Variants in LUZP2 observed in about 807,000 individuals in gnomAD.
LUZP2 encodes the protein leucine zipper protein 2.
In LUZP2, 52 loss-of-function variants were observed where a neutral mutation model predicts 51.6. The observed-to-expected ratio is 1.01, with a 90% CI of 0.81 to 1.27. LUZP2 has a LOEUF of 1.27. Ranked by LOEUF, LUZP2 falls within the 50% of genes most tolerant of loss-of-function variation. LUZP2 has a pLI of 0.00. For synonymous variants in LUZP2, 154 were observed against 137.3 expected, an observed-to-expected ratio of 1.12 and a Z score of -0.85; for missense variants, 436 against 395.4, an observed-to-expected ratio of 1.10 and a Z score of -0.87.
chr11:24,543,821 C>CAAAA (rs1407050931), intron 1 of LUZP2, among the ~76,000 whole-genome samples: 2 of 2,766 alleles, frequency 7.2e-4, no homozygotes, highest in Non-Finnish European at 7.6e-4. Flanking sequence ...GACTCTGTCT[C>CAAAA]ACAAAAAAAA....
chr11:24,866,889 C>G (rs374018666), intron 5 of LUZP2, among the ~76,000 whole-genome samples: 1 of 152,032 alleles, frequency 6.6e-6, no homozygotes, highest in African/African-American at 2.4e-5. Flanking sequence ...AGAGAGCCAC[C>G]GTAACAGGAG....
chr11:24,687,304 A>G (rs1007118403), intron 1 of LUZP2, among the ~76,000 whole-genome samples: 1 of 152,194 alleles, frequency 6.6e-6, no homozygotes, highest in Non-Finnish European at 1.5e-5. Flanking sequence ...CGGGAATTTT[A>G]TCAGTCTTTG....
intron 9 of LUZP2, among the ~76,000 whole-genome samples, chr11:25,002,030 G>C (rs1008326025): frequency 3.3e-5 from 5 of 152,220 alleles, no homozygotes; most frequent in Non-Finnish European, 5.9e-5. Flanking sequence ...TTTAATGGGG[G>C]TTCCCCCAGA....
At chr11:24,959,534 A>G (rs1855328547) in intron 7 of LUZP2, among the ~76,000 whole-genome samples, 1 of 152,006 alleles carries the variant, frequency 6.6e-6, no homozygotes, top group Non-Finnish European at 1.5e-5. Context: ...ATGGGAGTTC[A>G]CTCATGATTT....
At chr11:24,810,274 G>A (rs1278706370) in intron 5 of LUZP2, among the ~76,000 whole-genome samples, 1 of 152,030 alleles carries the variant, frequency 6.6e-6, no homozygotes, top group Non-Finnish European at 1.5e-5. Flanking sequence ...CCAGATTACT[G>A]TGCATTTTTC....
At chr11:24,686,024 A>G (rs1446651589) in intron 1 of LUZP2, among the ~76,000 whole-genome samples, 1 of 152,150 alleles carries the variant, frequency 6.6e-6, no homozygotes, top group Non-Finnish European at 1.5e-5. Flanking sequence ...TGTTGTAATC[A>G]TTCCTCTCAA....
intron 7 of LUZP2, among the ~76,000 whole-genome samples, chr11:24,922,962 C>A (rs1854114265): frequency 6.7e-6 from 1 of 149,988 alleles, no homozygotes; most frequent in African/African-American, 2.4e-5. Context: ...CATTCTCCTG[C>A]CTCAGCCTCC....
At chr11:24,937,888 A>C (rs1426125521) in intron 7 of LUZP2, among the ~76,000 whole-genome samples, 5 of 151,174 alleles carry the variant, frequency 3.3e-5, no homozygotes, top group African/African-American at 4.9e-5. Flanking sequence ...GCGACAGGGC[A>C]AGATTCCCTC....
At chr11:24,999,014 G>A (rs1235091736) in intron 9 of LUZP2, among the ~76,000 whole-genome samples, 3 of 152,072 alleles carry the variant, frequency 2.0e-5, no homozygotes, top group Admixed American at 2.0e-4. Flanking sequence ...TTCAACAAAT[G>A]TCTTTAATCT....
At chr11:24,830,918 C>T (rs959159382) in intron 5 of LUZP2, among the ~76,000 whole-genome samples, 2 of 151,864 alleles carry the variant, frequency 1.3e-5, no homozygotes, top group South Asian at 2.1e-4. Context: ...GGCGTGAACC[C>T]GGGAGGTGGA....
At chr11:24,623,273 A>G (rs1160779084) in intron 1 of LUZP2, among the ~76,000 whole-genome samples, 1 of 152,232 alleles carries the variant, frequency 6.6e-6, no homozygotes, top group Non-Finnish European at 1.5e-5. Context: ...CGGGACTTAA[A>G]GAGGATTGCA....
intron 1 of LUZP2, among the ~76,000 whole-genome samples, chr11:24,570,495 G>C (rs995946562): frequency 6.6e-6 from 1 of 151,942 alleles, no homozygotes; most frequent in African/African-American, 2.4e-5. Context: ...TGTACATCTT[G>C]ATTTCAATTT....
At chr11:24,638,350 T>G (rs923210487) in intron 1 of LUZP2, among the ~76,000 whole-genome samples, 1 of 151,594 alleles carries the variant, frequency 6.6e-6, no homozygotes, top group Non-Finnish European at 1.5e-5. Flanking sequence ...AAAATTAAAT[T>G]TCTAGCTACA....
rs368695270 is a variant in LUZP2, at chr11:24,677,759, CAGAG to C, written c.63-51405_63-51402del. ...ATCTAAAGAGAGAAATAGAGAAAGACAGAGAGAGGGCGGGGTGTGGTGGCTCGCA... is the reference window on the plus strand; with the variant it reads ...ATCTAAAGAGAGAAATAGAGAAAGACAGAGGGCGGGGTGTGGTGGCTCGCA... On this transcript the variant is annotated intron_variant, in intron 1 of 11. Transcript: ENST00000336930. 7.0e-4 allele frequency among the ~76,000 whole-genome samples: 107 copies of C among 152,144 alleles called. 2 individuals are homozygous for C. In the South Asian group the frequency reaches 0.013, roughly 19 times the overall value.
chr11:24,500,282 T>G (rs1469552127), intron 1 of LUZP2, among the ~76,000 whole-genome samples: 8 of 152,186 alleles, frequency 5.3e-5, no homozygotes, highest in Non-Finnish European at 1.0e-4. Context: ...TCCTGGCATA[T>G]GGTCTCTCCT....
intron 7 of LUZP2, among the ~76,000 whole-genome samples, chr11:24,927,737 A>G (rs896532292): frequency 1.1e-4 from 16 of 151,958 alleles, no homozygotes; most frequent in African/African-American, 3.6e-4. Context: ...TTTTGGTTCC[A>G]TATAAATTTT....
chr11:24,763,042 A>T, intron 4 of LUZP2: 1 of 642,892 alleles, frequency 1.6e-6, no homozygotes, highest in Non-Finnish European at 1.9e-6. Context: ...AGTTTGTTAA[A>T]TGAAAAAAGA....
At chr11:24,574,749 G>A (rs192176335) in intron 1 of LUZP2, among the ~76,000 whole-genome samples, 202 of 152,182 alleles carry the variant, frequency 1.3e-3, no homozygotes, top group African/African-American at 4.2e-3. Flanking sequence ...CAGAGACTGG[G>A]AGTTGGGGAT....
rs1360044917 is a variant in LUZP2 at position 24,953,487 on chromosome 11, G to A, written c.523-23104G>A. 1.6e-4 allele frequency among the ~76,000 whole-genome samples: 25 copies of A among 151,976 alleles called. 1 individual carries two copies. The highest frequency in any genetic ancestry group is 1.6e-3 in the Admixed American group (25 of 15,232). On this transcript the variant is annotated intron_variant, in intron 7 of 11. Transcript: ENST00000336930. ...AAACCACCAATTTCTGTGCCTGTTG[G>A]ATGGAAATGCAGCCATTGTCTGCCA...
Sources: allele counts gnomAD v4.1 joint callset (sites outside exome capture counted in the v4.1 genomes callset), GRCh38; gene constraint gnomAD v4.1.1; transcripts MANE v1.5; gene names NCBI Gene and HGNC (gene_info 2026-07-23, HGNC 2026-07-21).